The following STAT2 variants were observed in gnomAD, a reference collection of about 807,000 sequenced individuals.
STAT2 encodes the protein interferon alpha induced transcriptional activator.
In STAT2, 51 loss-of-function variants were observed where a neutral mutation model predicts 122.3. The ratio of observed to expected loss-of-function variants is 0.42; its 90% CI spans 0.33 to 0.53. STAT2 has a LOEUF of 0.53. STAT2 is among the 20% of genes least tolerant of loss of function. The probability of loss-of-function intolerance (pLI) is 0.10; values close to 1 mark genes in which losing one functional copy is unlikely to be tolerated. For synonymous variants in STAT2, 351 were observed against 394.9 expected (o/e 0.89, Z 1.32); for missense variants, 736 against 1,010.3 (o/e 0.73, Z 3.68).
Position 56,343,844 on chromosome 12 carries a change from C to A in STAT2, c.2394G>T (p.Leu798Phe). Residue 798 changes from leucine (L) to phenylalanine (F), a missense_variant, in exon 23 of 24, where the codon TTG (leucine) becomes TTT (phenylalanine). Transcript: ENST00000314128. ...EPDLPCDLRH[L>F]NTEPMEIFRN... is the part of the protein sequence containing the mutation. ...ACTTACTTTCCATTGGCTCAGTGTT[C>A]AAATGTCTCAGATCACAGGGCAAAT... The A allele has an allele frequency of 6.2e-7, 1 of 1,614,206 alleles. No homozygotes were observed. The highest frequency in any genetic ancestry group is 1.1e-5 in the South Asian group (1 of 91,080).
chr12:56,346,254 A>G (rs1223671416), intron 21 of STAT2, 51 bp from the exon 22 acceptor site: 3 of 1,608,530 alleles, frequency 1.9e-6, no homozygotes, highest in Non-Finnish European at 2.6e-6. Flanking sequence ...CCAGACATAT[A>G]GCCTGAGGTT....
chr12:56,343,444 A>C lies in STAT2; in HGVS notation c.2501T>G (p.Val834Gly). The C allele has an allele frequency of 6.2e-7, 1 of 1,614,076 alleles. No homozygotes were observed. Among genetic ancestry groups the C allele is most frequent in the Non-Finnish European group, 8.5e-7 (1 of 1,180,002 alleles). ...AGTGTAGAAGTGGCTGGGGCGGGAG[A>C]CGTAAACCTCATCCACGGTGTTCTG... Reference protein sequence around the residue: ...AGQNTVDEVYVSRPSHFYTDG... With the variant: ...AGQNTVDEVYGSRPSHFYTDG... Residue 834 changes from valine to glycine, a missense_variant, in exon 24 of 24, where the codon GTC (valine) becomes GGC (glycine). Transcript: ENST00000314128.
intron 8 of STAT2, chr12:56,352,371 T>TTTTGGGGG (rs1565655623): frequency 3.5e-5 from 1 of 28,464 alleles, no homozygotes; most frequent in Non-Finnish European, 6.8e-5. Context: ...TTTTTTTTTT[T>TTTTGGGGG]GGTGGGGGTG....
At chr12:56,354,890 C>G (rs1807387869) in intron 6 of STAT2, 27 bp from the exon 7 acceptor site, 1 of 1,608,732 alleles carries the variant, frequency 6.2e-7, no homozygotes, top group Non-Finnish European at 8.5e-7. Context: ...GGAGTCAGTC[C>G]AGGGGTTCTT....
chr12:56,355,556 G>A (rs558772917), intron 4 of STAT2, 24 bp from the exon 5 acceptor site: 54 of 1,613,518 alleles, frequency 3.3e-5, no homozygotes, highest in African/African-American at 2.9e-4. Flanking sequence ...CTCTGAGCAC[G>A]TTTTAACTCT....
At chr12:56,344,484 A>T (rs569549382) in intron 22 of STAT2, among the ~76,000 whole-genome samples, 4 of 152,364 alleles carry the variant, frequency 2.6e-5, no homozygotes, top group African/African-American at 9.6e-5. Context: ...CCTTAGCTGA[A>T]AACAGTAACA....
chr12:56,350,222 G>A (rs1421208926), intron 12 of STAT2, 32 bp from the exon 13 acceptor site: 1 of 1,531,116 alleles, frequency 6.5e-7, no homozygotes, highest in Non-Finnish European at 8.9e-7. Flanking sequence ...TGGAGACAAG[G>A]AATGGAATTA....
intron 6 of STAT2, 143 bp from the exon 7 acceptor site, chr12:56,355,006 C>T: frequency 1.2e-6 from 1 of 866,862 alleles, no homozygotes; most frequent in Non-Finnish European, 1.8e-6. Flanking sequence ...GACCCTCAGG[C>T]AAATTCTGAA....
chr12:56,354,696 C>T, intron 7 of STAT2, 82 bp from the exon 8 acceptor site: 1 of 1,612,164 alleles, frequency 6.2e-7, no homozygotes, highest in East Asian at 2.2e-5. Flanking sequence ...AACAAAGAAG[C>T]CAGCGCTAGA....
In STAT2 at chr12:56,342,143, A is replaced by T. The variant is rs566981675; in HGVS notation, c.*1246T>A. 6.6e-6 allele frequency: 1 copy of T among 152,136 alleles called. No homozygotes were observed. Among genetic ancestry groups the T allele is most frequent in the South Asian group, 2.1e-4 (1 of 4,806 alleles). The allele number at this position is 152,136 out of a possible 1,614,324, so 9.4% of individuals were successfully genotyped here. A position where few individuals can be genotyped will look rare whatever the true frequency, so the allele number is the denominator to read the frequency against. ...GAAACCCCGTCTCTACTAAAAATAC[A>T]AAATTAGCTGGGCATGGTGGTGCAG... On this transcript the variant is annotated 3_prime_UTR_variant, in exon 24 of 24. Transcript: ENST00000314128.
intron 8 of STAT2, among the ~76,000 whole-genome samples, chr12:56,352,870 A>G (rs1555171211): frequency 6.6e-6 from 1 of 151,962 alleles, no homozygotes; most frequent in Non-Finnish European, 1.5e-5. Context: ...TCCAGGCTGG[A>G]CTACAGTGGT....
chr12:56,357,017 C>T (rs1337438697), intron 1 of STAT2, among the ~76,000 whole-genome samples: 1 of 146,004 alleles, frequency 6.8e-6, no homozygotes, highest in African/African-American at 2.6e-5. Context: ...TTAGGAATGC[C>T]TAATCTGTAT....
At chr12:56,349,290 G>A (rs888796360) in intron 15 of STAT2, 29 bp from the exon 16 acceptor site, 2 of 1,613,964 alleles carry the variant, frequency 1.2e-6, no homozygotes, top group Non-Finnish European at 1.7e-6. Context: ...TCACAGAGAG[G>A]GATGTGATGT....
In STAT2 at chr12:56,355,796, G is replaced by T. The variant is rs1294214696; in HGVS notation, c.293C>A (p.Ser98Tyr). The change falls in exon 4 of 24, where the codon TCC becomes TAC. Residue 98 changes from serine (S) to tyrosine (Y), a missense_variant. Transcript: ENST00000314128. ...CTCAGCCAACTGGGTAGGATCCTGG[G>T]AAAAGGGCTAGAATAGGTAAACAGA... ...RKFCRDIQPF[S>Y]QDPTQLAEMI... The T allele has an allele frequency of 1.2e-6, 2 of 1,613,914 alleles. No homozygotes were observed. The highest frequency in any genetic ancestry group is 1.7e-6 in the Non-Finnish European group (2 of 1,179,944).
rs200954848 is a variant in STAT2, at chr12:56,343,865, C to T, written c.2373G>A (p.Leu791=). The T allele has an allele frequency of 3.7e-6, 6 of 1,614,228 alleles. No individual in the cohort carries two copies. The East Asian group carries it at 1.1e-4, about 30-fold the overall frequency. The change falls in exon 23 of 24, where the codon TTG becomes TTA. Residue 791 remains leucine, a synonymous_variant. Coordinates refer to ENST00000314128, the MANE Select transcript of STAT2 (RefSeq NM_005419.4). The part of the protein sequence containing the change: ...PVSQPVPEPD[L]PCDLRHLNTE... ...TGTTCAAATGTCTCAGATCACAGGG[C>T]AAATCTGGCTCTGGCACTGGCTGTG...
chr12:56,344,027 T>C lies in STAT2; in HGVS notation c.2211A>G (p.Leu737=). 1 of 1,613,434 alleles carries C rather than the reference T, an allele frequency of 6.2e-7. No homozygotes were observed. The highest frequency in any genetic ancestry group is 8.5e-7 in the Non-Finnish European group (1 of 1,179,468). ...CCAGCCCTGCCTTCAGCAGTGGCTC[T>C]AAGTCCAGGCTGAGCTCTGGCTCTG... ...LVPEPELSLD[L]EPLLKAGLDL... The change falls in exon 23 of 24, where the codon TTA becomes TTG. Residue 737 remains leucine, a synonymous_variant. Transcript: ENST00000314128.
At chr12:56,354,694 A>C in intron 7 of STAT2, 80 bp from the exon 8 acceptor site, 1 of 1,612,252 alleles carries the variant, frequency 6.2e-7, no homozygotes, top group Non-Finnish European at 8.5e-7. Flanking sequence ...GAAACAAAGA[A>C]GCCAGCGCTA....
intron 22 of STAT2, 151 bp downstream of exon 22, chr12:56,345,995 G>A: frequency 3.2e-6 from 5 of 1,560,578 alleles, no homozygotes; most frequent in Non-Finnish European, 4.3e-6. Flanking sequence ...TTAGGAGAAG[G>A]CAGAAAGGAG....
chr12:56,346,758 G>C, intron 20 of STAT2, 61 bp downstream of exon 20: 1 of 1,611,354 alleles, frequency 6.2e-7, no homozygotes. Flanking sequence ...CAGGCAGAGG[G>C]GCAAGAGGGG....
Sources: allele counts gnomAD v4.1 joint callset (sites outside exome capture counted in the v4.1 genomes callset), GRCh38; gene constraint gnomAD v4.1.1; transcripts MANE v1.5; gene names NCBI Gene and HGNC (gene_info 2026-07-23, HGNC 2026-07-21).